Variants in SYN3 observed in about 807,000 individuals in gnomAD.
The protein encoded by SYN3 is synapsin III.
SYN3 carries 35 observed loss-of-function variants against 65.8 expected under a neutral mutation model. That is an observed-to-expected ratio of 0.53 (90% CI 0.41 to 0.70). The LOEUF (loss-of-function observed/expected upper bound fraction) is 0.70. SYN3 is among the 30% of genes least tolerant of loss of function. SYN3 has a pLI of 0.00. For synonymous variants in SYN3, 270 were observed against 292.9 expected (o/e 0.92, Z 0.80); for missense variants, 680 against 749.0 (o/e 0.91, Z 1.08).
chr22:32,799,051 G>T (rs1393606816), intron 6 of SYN3, among the ~76,000 whole-genome samples: 1 of 152,170 alleles, frequency 6.6e-6, no homozygotes, highest in Non-Finnish European at 1.5e-5. Flanking sequence ...AAGTGATGTT[G>T]AATAACCAAT....
intron 6 of SYN3, among the ~76,000 whole-genome samples, chr22:32,641,085 G>A (rs2059890962): frequency 6.6e-6 from 1 of 152,184 alleles, no homozygotes; most frequent in South Asian, 2.1e-4. Flanking sequence ...TGATTATGAA[G>A]AGTAAATGTG....
chr22:32,939,880 G>C (rs1301525006), intron 3 of SYN3, among the ~76,000 whole-genome samples: 1 of 152,154 alleles, frequency 6.6e-6, no homozygotes, highest in Non-Finnish European at 1.5e-5. Context: ...CCTAGAAGTG[G>C]AATTGCTGGG....
intron 6 of SYN3, among the ~76,000 whole-genome samples, chr22:32,727,426 G>A (rs1271669471): frequency 6.6e-6 from 1 of 152,150 alleles, no homozygotes; most frequent in Non-Finnish European, 1.5e-5. Context: ...CTTTGCCATT[G>A]TGAATAGTGC....
At chr22:32,773,093 G>T (rs763594096) in intron 6 of SYN3, among the ~76,000 whole-genome samples, 1 of 152,176 alleles carries the variant, frequency 6.6e-6, no homozygotes, top group Non-Finnish European at 1.5e-5. Context: ...CAATACAACT[G>T]GGGAGCAAAG....
intron 2 of SYN3, among the ~76,000 whole-genome samples, chr22:32,985,125 A>G (rs546360909): frequency 2.0e-5 from 3 of 152,358 alleles, no homozygotes; most frequent in Admixed American, 2.0e-4. Context: ...TTCCACACCT[A>G]GGAAATGAGG....
chr22:32,616,003 C>T (rs551885283), intron 6 of SYN3, among the ~76,000 whole-genome samples: 16 of 152,332 alleles, frequency 1.1e-4, no homozygotes, highest in African/African-American at 3.8e-4. Flanking sequence ...CACAACTGGC[C>T]TGGCAGACGG....
chr22:32,720,792 C>G (rs750026729), intron 6 of SYN3, among the ~76,000 whole-genome samples: 2 of 152,138 alleles, frequency 1.3e-5, no homozygotes, highest in Non-Finnish European at 2.9e-5. Context: ...CCTGACTTGG[C>G]GCCCAGGCCT....
At chr22:32,751,630 C>T (rs1156741461) in intron 6 of SYN3, among the ~76,000 whole-genome samples, 3 of 152,208 alleles carry the variant, frequency 2.0e-5, no homozygotes, top group Admixed American at 1.3e-4. Context: ...AGTGGGATAT[C>T]ACCACCTTCA....
chr22:32,583,455 T>C (rs1434544593), intron 7 of SYN3: 1 of 152,212 alleles, frequency 6.6e-6, no homozygotes, highest in East Asian at 1.9e-4. Flanking sequence ...CCTGAGCGTT[T>C]TGGCTAGAGA....
At chr22:32,899,437 G>A (rs977378118) in intron 4 of SYN3, among the ~76,000 whole-genome samples, 4 of 152,166 alleles carry the variant, frequency 2.6e-5, no homozygotes, top group Non-Finnish European at 4.4e-5. Flanking sequence ...GAACGGAGGC[G>A]TTAATCAAGT....
chr22:32,638,872 C>T (rs1026659977), intron 6 of SYN3, among the ~76,000 whole-genome samples: 1 of 152,138 alleles, frequency 6.6e-6, no homozygotes, highest in Non-Finnish European at 1.5e-5. Context: ...TTAGGACTTA[C>T]TCATAAACTC....
chr22:32,797,470 A>G (rs1408904311), intron 6 of SYN3, among the ~76,000 whole-genome samples: 35 of 152,238 alleles, frequency 2.3e-4, no homozygotes, highest in Admixed American at 2.3e-3. Flanking sequence ...GGTGACATCT[A>G]AGCTGAGGTC....
chr22:32,532,365 T>C (rs1000296136), intron 10 of SYN3, among the ~76,000 whole-genome samples: 9 of 152,400 alleles, frequency 5.9e-5, no homozygotes, highest in African/African-American at 2.2e-4. Context: ...AGGGACCGGC[T>C]CCTCCAGGGA....
intron 2 of SYN3, among the ~76,000 whole-genome samples, chr22:32,993,560 G>A (rs921369595): frequency 6.6e-6 from 1 of 152,180 alleles, no homozygotes; most frequent in Non-Finnish European, 1.5e-5. Context: ...TGGCCAGGCT[G>A]GTCTCGAACT....
intron 7 of SYN3, among the ~76,000 whole-genome samples, chr22:32,542,169 A>T (rs1372178857): frequency 2.6e-5 from 4 of 152,130 alleles, no homozygotes; most frequent in Non-Finnish European, 2.9e-5. Flanking sequence ...AAGCCACTGG[A>T]AGAGGGAGTG....
chr22:32,909,619 C>G (rs889004499), intron 4 of SYN3, among the ~76,000 whole-genome samples: 2 of 135,136 alleles, frequency 1.5e-5, no homozygotes. Context: ...CTGCCACCCC[C>G]GCCCCCCCAC....
In SYN3 at chr22:32,713,850, A is replaced by G. The variant is rs112302638; in HGVS notation, c.712-117114T>C. 4.7e-3 allele frequency among the ~76,000 whole-genome samples: 708 copies of G among 151,950 alleles called. 3 individuals carry two copies. The highest frequency in any genetic ancestry group is 0.016 in the African/African-American group (665 of 41,420). On this transcript the variant is annotated intron_variant, in intron 6 of 13. Coordinates refer to ENST00000358763, the MANE Select transcript of SYN3 (RefSeq NM_003490.4). ...CGTCTCAAAAAAAAAAAAAAAAAGAAAACAGATATCCCAGGGAGCACCAAA... is the reference window on the plus strand; with the variant it reads ...CGTCTCAAAAAAAAAAAAAAAAAGAGAACAGATATCCCAGGGAGCACCAAA...
chr22:32,865,001 A>G lies in SYN3; in HGVS notation c.625T>C (p.Ser209Pro), dbSNP rs1270867069. The G allele has an allele frequency of 3.7e-6, 6 of 1,612,976 alleles. No individual in the cohort carries two copies. The highest frequency in any genetic ancestry group is 4.2e-6 in the Non-Finnish European group (5 of 1,178,944). ...GAATGGAAGATCTTAATGAGCTGAG[A>G]GAACTAGGATAGAAGAGGAGAGAAC... is the stretch of plus-strand genomic sequence containing the variant. ...YNFCSKPWVF[S>P]QLIKIFHSLG... Residue 209 changes from serine to proline, a missense_variant, in exon 6 of 14, where the codon TCT becomes CCT. Coordinates refer to ENST00000358763, the MANE Select transcript of SYN3 (RefSeq NM_003490.4).
intron 3 of SYN3, among the ~76,000 whole-genome samples, chr22:32,954,942 C>CTTTTTTTT (rs770971735): frequency 1.1e-4 from 13 of 118,954 alleles, no homozygotes; most frequent in African/African-American, 3.3e-4. Context: ...TTTTCCTTTT[C>CTTTTTTTT]TTTTTTTTTT....
Sources: gnomAD v4.1 joint callset for allele counts (sites outside exome capture counted in the v4.1 genomes callset) on GRCh38, gnomAD v4.1.1 for gene constraint, MANE v1.5 for transcripts, NCBI Gene and HGNC (gene_info 2026-07-23, HGNC 2026-07-21) for gene names.